The following CWF19L2 variants were observed in gnomAD, a reference collection of about 807,000 sequenced individuals.
CWF19L2 encodes the protein CWF19 like cell cycle control factor 2, also known as CWF19-like protein 2.
In CWF19L2, 98 loss-of-function variants were observed where a neutral mutation model predicts 111.7. The ratio of observed to expected loss-of-function variants is 0.88; its 90% CI spans 0.75 to 1.04. CWF19L2 has a LOEUF of 1.04. CWF19L2 is among the 50% of genes least tolerant of loss of function. The pLI is 0.00. For missense variants in CWF19L2, 1,101 were observed against 1,051.4 expected (o/e 1.05, Z -0.65); for synonymous variants, 351 against 342.9 (o/e 1.02, Z -0.26).
In CWF19L2 at chr11:107,362,848, G is replaced by T. The variant is rs575382570; in HGVS notation, c.1873-9112C>A. On this transcript the variant is annotated intron_variant, in intron 12 of 17. Transcript: ENST00000282251. ...GAATGACTTTGACGAGCTGAGAGAA[G>T]AAGGCTTCAGACGATCAAATTACTC... Among the ~76,000 whole-genome samples, 1,141 of 151,610 alleles carry T rather than the reference G, an allele frequency of 7.5e-3. 6 individuals are homozygous for T. Among genetic ancestry groups the T allele is most frequent in the African/African-American group, 0.024 (971 of 41,032 alleles).
At chr11:107,388,674 C>T (rs749969822) in intron 12 of CWF19L2, among the ~76,000 whole-genome samples, 4 of 152,102 alleles carry the variant, frequency 2.6e-5, no homozygotes, top group African/African-American at 4.8e-5. Context: ...GCCACCACGC[C>T]CGGCACTATT....
intron 10 of CWF19L2, among the ~76,000 whole-genome samples, chr11:107,411,089 G>GACACACACACACACACA (rs1861151046): frequency 6.7e-6 from 1 of 148,692 alleles, no homozygotes; most frequent in African/African-American, 2.5e-5. Flanking sequence ...GCGCGTGCGT[G>GACACACACACACACACA]CACACACACA....
chr11:107,425,308 C>T (rs888017178), intron 8 of CWF19L2, among the ~76,000 whole-genome samples: 3 of 151,626 alleles, frequency 2.0e-5, no homozygotes, highest in African/African-American at 4.8e-5. Flanking sequence ...CATAGCATAA[C>T]GACGTTTCAC....
intron 15 of CWF19L2, among the ~76,000 whole-genome samples, chr11:107,335,993 G>A (rs749023523): frequency 7.9e-5 from 12 of 152,160 alleles, no homozygotes; most frequent in African/African-American, 1.4e-4. Flanking sequence ...AGGCTGAGGC[G>A]GGCAGATCAC....
At position 107,326,915 on chromosome 11, in the gene CWF19L2, A is replaced by G. The variant is rs1462759474; in HGVS notation, c.2680T>C (p.Tyr894His). The change falls in exon 18 of 18, where the codon TAT becomes CAT. Residue 894 changes from tyrosine to histidine, a missense_variant. Transcript: ENST00000282251. Reference protein sequence around the residue: ...KPYDFTKSKNY With the variant: ...KPYDFTKSKNH ...TTTAAAATGGAAGGTACACCTCAAT[A>G]GTTTTTACTTTTGGTGAAGTCATAT... 2.5e-6 allele frequency: 4 copies of G among 1,595,476 alleles called. No homozygotes were observed. The highest frequency in any genetic ancestry group is 3.4e-6 in the Non-Finnish European group (4 of 1,174,120).
intron 10 of CWF19L2, among the ~76,000 whole-genome samples, chr11:107,401,945 G>A (rs938502732): frequency 2.0e-5 from 3 of 152,122 alleles, no homozygotes; most frequent in African/African-American, 4.8e-5. Flanking sequence ...AAAGCCAACT[G>A]ACCTTCGACA....
At chr11:107,396,942 T>C (rs942305288) in intron 10 of CWF19L2, among the ~76,000 whole-genome samples, 13 of 152,146 alleles carry the variant, frequency 8.5e-5, no homozygotes, top group African/African-American at 2.7e-4. Context: ...TTTTCGACTT[T>C]ACTTGGAGTT....
intron 14 of CWF19L2, among the ~76,000 whole-genome samples, chr11:107,347,553 A>T (rs1286867416): frequency 6.6e-6 from 1 of 152,222 alleles, no homozygotes; most frequent in Non-Finnish European, 1.5e-5. Flanking sequence ...ACACAAAAGG[A>T]GCTACAACAC....
chr11:107,345,301 G>A (rs904010746), intron 14 of CWF19L2: 14 of 257,032 alleles, frequency 5.4e-5, no homozygotes, highest in African/African-American at 2.1e-4. Flanking sequence ...AAACAAAATC[G>A]TTAACAGAGT....
chr11:107,425,524 A>G (rs904891521), intron 8 of CWF19L2, among the ~76,000 whole-genome samples: 3 of 151,958 alleles, frequency 2.0e-5, no homozygotes, highest in African/African-American at 7.2e-5. Context: ...GCTTAAGTAC[A>G]CACTACGCTG....
At chr11:107,447,388 A>G (rs1006307035) in intron 3 of CWF19L2, among the ~76,000 whole-genome samples, 12 of 152,334 alleles carry the variant, frequency 7.9e-5, no homozygotes, top group African/African-American at 2.9e-4. Context: ...ATGAGAGTCC[A>G]CAAGGTCAGG....
chr11:107,379,273 C>A (rs946747705), intron 12 of CWF19L2, among the ~76,000 whole-genome samples: 1 of 152,210 alleles, frequency 6.6e-6, no homozygotes, highest in Non-Finnish European at 1.5e-5. Context: ...TTGCTTCCTG[C>A]CCCTTATTTG....
In CWF19L2 at chr11:107,433,777, T is replaced by C. The variant is rs111800263; in HGVS notation, c.665-28A>G. 50 of 1,105,684 alleles carry C rather than the reference T, an allele frequency of 4.5e-5. 1 individual carries two copies. The African/African-American group carries it at 5.7e-4, about 13-fold the overall frequency. 68.5% of individuals were successfully genotyped at this position (1,105,684 alleles called of 1,614,324 possible). A position where few individuals can be genotyped will look rare whatever the true frequency, so the allele number is the denominator to read the frequency against. On this transcript the variant is annotated intron_variant, in intron 6 of 17. Coordinates refer to ENST00000282251, the MANE Select transcript of CWF19L2 (RefSeq NM_152434.3). ...AAATTCCAGTATTAAATATTAGTTA[T>C]ACTTTTAATGTGGTTATCATACAAT...
chr11:107,402,920 C>A (rs1395784268), intron 10 of CWF19L2, among the ~76,000 whole-genome samples: 1 of 109,370 alleles, frequency 9.1e-6, no homozygotes, highest in East Asian at 2.4e-4. Flanking sequence ...TACTATGCAG[C>A]CATAAAAAGG....
chr11:107,387,312 C>G (rs1423939433), intron 12 of CWF19L2, among the ~76,000 whole-genome samples: 2 of 152,084 alleles, frequency 1.3e-5, no homozygotes, highest in African/African-American at 4.8e-5. Context: ...ATGGCTCTAT[C>G]TGAACTAATA....
intron 16 of CWF19L2, among the ~76,000 whole-genome samples, chr11:107,330,636 C>G (rs866766636): frequency 2.1e-4 from 28 of 134,702 alleles, no homozygotes; most frequent in Non-Finnish European, 3.1e-4. Context: ...CTACACACAC[C>G]CCCCCCACCA....
intron 16 of CWF19L2, among the ~76,000 whole-genome samples, chr11:107,331,755 G>C (rs1046757763): frequency 6.6e-6 from 1 of 152,184 alleles, no homozygotes; most frequent in African/African-American, 2.4e-5. Context: ...ACAACCTATG[G>C]CATATTTGCC....
intron 6 of CWF19L2, among the ~76,000 whole-genome samples, chr11:107,437,245 A>C (rs1861554988): frequency 6.6e-6 from 1 of 152,200 alleles, no homozygotes; most frequent in African/African-American, 2.4e-5. Flanking sequence ...GATAGGTAAT[A>C]TCATTATTCC....
At chr11:107,338,082 T>A (rs894311463) in intron 14 of CWF19L2, among the ~76,000 whole-genome samples, 4 of 152,156 alleles carry the variant, frequency 2.6e-5, no homozygotes, top group East Asian at 1.9e-4. Flanking sequence ...TTTAGAGATG[T>A]GGTTATGCTA....
Sources: allele counts gnomAD v4.1 joint callset (sites outside exome capture counted in the v4.1 genomes callset), GRCh38; gene constraint gnomAD v4.1.1; transcripts MANE v1.5; gene names NCBI Gene and HGNC (gene_info 2026-07-23, HGNC 2026-07-21).